Variants in RGSL1 observed in about 807,000 individuals in gnomAD.
RGSL1 encodes regulator of G protein signaling like 1.
Under a neutral mutation model 124.7 loss-of-function variants are expected in RGSL1, and 97 were observed. The observed-to-expected ratio is 0.78, with a 90% CI of 0.66 to 0.92. The LOEUF is 0.92. Ranked by LOEUF, RGSL1 falls within the 40% of genes least tolerant of loss-of-function variation. The pLI is 0.00. For synonymous variants in RGSL1, 424 were observed against 438.1 expected (o/e 0.97, Z 0.40); for missense variants, 1,233 against 1,288.4 (o/e 0.96, Z 0.66).
chr1:182,498,132 A>G (rs1656067018), intron 9 of RGSL1, among the ~76,000 whole-genome samples: 1 of 152,072 alleles, frequency 6.6e-6, no homozygotes, highest in African/African-American at 2.4e-5. Context: ...TAAATATCTC[A>G]TTCTTACACT....
intron 6 of RGSL1, among the ~76,000 whole-genome samples, chr1:182,487,644 T>C (rs1655190808): frequency 6.6e-6 from 1 of 152,346 alleles, no homozygotes. Flanking sequence ...TTAGAGCATG[T>C]GTTATGCTGC....
intron 9 of RGSL1, among the ~76,000 whole-genome samples, chr1:182,497,008 A>G (rs1655964184): frequency 6.6e-6 from 1 of 152,196 alleles, no homozygotes; most frequent in African/African-American, 2.4e-5. Flanking sequence ...TGCCCAATGT[A>G]TATGATACAT....
At chr1:182,507,770 A>G (rs1043484511) in intron 9 of RGSL1, among the ~76,000 whole-genome samples, 7 of 151,664 alleles carry the variant, frequency 4.6e-5, no homozygotes, top group African/African-American at 1.2e-4. Flanking sequence ...TGGTGCAATC[A>G]TGGCTCACTG....
chr1:182,480,762 A>AT (rs906513396), intron 6 of RGSL1, among the ~76,000 whole-genome samples: 13 of 151,586 alleles, frequency 8.6e-5, no homozygotes, highest in South Asian at 2.1e-4. Flanking sequence ...GGCCACAAGT[A>AT]TTTTTTTTTA....
At chr1:182,457,476 A>G (rs1652439304) in intron 2 of RGSL1, among the ~76,000 whole-genome samples, 1 of 152,206 alleles carries the variant, frequency 6.6e-6, no homozygotes, top group African/African-American at 2.4e-5. Context: ...TGTAACATGC[A>G]GACAGCAACA....
intron 6 of RGSL1, among the ~76,000 whole-genome samples, 168 bp downstream of exon 6, chr1:182,474,710 G>A (rs756395794): frequency 6.6e-6 from 1 of 152,134 alleles, no homozygotes; most frequent in Non-Finnish European, 1.5e-5. Context: ...CCCAGCCCCT[G>A]GGCCGCAAAT....
intron 15 of RGSL1, among the ~76,000 whole-genome samples, chr1:182,542,081 G>A (rs1018381604): frequency 2.6e-5 from 4 of 152,064 alleles, no homozygotes; most frequent in Non-Finnish European, 4.4e-5. Flanking sequence ...TTTTTAGCTT[G>A]ATGTGATCCA....
At position 182,474,048 on chromosome 1, in the gene RGSL1, C is replaced by A. The variant is rs1311501885; in HGVS notation, c.937C>A (p.His313Asn). The change falls in exon 6 of 22, where the codon CAT becomes AAT. Residue 313 changes from histidine to asparagine, a missense_variant. Physicochemically the swap from His to Asn is moderately conservative, Grantham distance 68. Coordinates refer to ENST00000294854, the MANE Select transcript of RGSL1 (RefSeq NM_001137669.2). The stretch of plus-strand genomic sequence containing the variant: ...AATCAGTTCCCTGGAAAAGGATATG[C>A]ATTATGCAAAAATATCCAGCATGGA... ...TRISSLEKDM[H>N]YAKISSMENK... 6.4e-7 allele frequency: 1 copy of A among 1,551,780 alleles called. No individual in the cohort carries two copies. Among genetic ancestry groups the A allele is most frequent in the Non-Finnish European group, 8.7e-7 (1 of 1,147,000 alleles).
At chr1:182,518,110 G>C (rs1658035632) in intron 9 of RGSL1, among the ~76,000 whole-genome samples, 1 of 152,068 alleles carries the variant, frequency 6.6e-6, no homozygotes, top group Non-Finnish European at 1.5e-5. Flanking sequence ...TACAAACATG[G>C]CTCACTGCAG....
At chr1:182,558,736 G>A (rs1178674797) in intron 21 of RGSL1, among the ~76,000 whole-genome samples, 1 of 152,060 alleles carries the variant, frequency 6.6e-6, no homozygotes, top group Non-Finnish European at 1.5e-5. Flanking sequence ...AATTTCTCCT[G>A]CCTCTTCTTC....
At chr1:182,536,577 G>T (rs1489112328) in intron 14 of RGSL1, among the ~76,000 whole-genome samples, 5 of 152,136 alleles carry the variant, frequency 3.3e-5, no homozygotes, top group African/African-American at 4.8e-5. Context: ...TCATGTGCTT[G>T]CTTGACATAT....
intron 3 of RGSL1, 81 bp from the exon 4 acceptor site, chr1:182,459,923 T>C: frequency 6.7e-7 from 1 of 1,487,402 alleles, no homozygotes; most frequent in Non-Finnish European, 9.0e-7. Flanking sequence ...GTGAGGTGAT[T>C]AGTTGCCACT....
chr1:182,508,303 T>TG (rs1169839909), intron 9 of RGSL1, among the ~76,000 whole-genome samples: 5 of 139,256 alleles, frequency 3.6e-5, no homozygotes, highest in African/African-American at 8.1e-5. Flanking sequence ...TTTTTTTTTT[T>TG]TTTTTTTTTT....
chr1:182,450,049 T>C (rs886943533), upstream of RGSL1: 52 of 1,226,750 alleles, frequency 4.2e-5, no homozygotes, highest in African/African-American at 7.3e-4. Flanking sequence ...CACTGCCAGA[T>C]AGAATCTGGA....
chr1:182,476,433 C>G (rs1654294064), intron 6 of RGSL1, among the ~76,000 whole-genome samples: 1 of 152,204 alleles, frequency 6.6e-6, no homozygotes, highest in East Asian at 1.9e-4. Flanking sequence ...ATTGGCAAAC[C>G]CTGTTGGCAT....
chr1:182,474,714 C>T (rs561620171), intron 6 of RGSL1, among the ~76,000 whole-genome samples, 172 bp downstream of exon 6: 3 of 152,126 alleles, frequency 2.0e-5, no homozygotes, highest in Admixed American at 1.3e-4. Context: ...GCCCCTGGGC[C>T]GCAAATCTGT....
chr1:182,552,777 AG>A (rs1444511352), intron 18 of RGSL1, among the ~76,000 whole-genome samples: 5 of 152,238 alleles, frequency 3.3e-5, no homozygotes, highest in African/African-American at 1.2e-4. Context: ...CCATGGTGGA[AG>A]GCAGAAGGGC....
intron 2 of RGSL1, among the ~76,000 whole-genome samples, chr1:182,457,171 G>T (rs1248707235): frequency 6.8e-6 from 1 of 147,622 alleles, no homozygotes; most frequent in Admixed American, 6.8e-5. Flanking sequence ...AAACAAAAAA[G>T]TTAAATGATA....
At chr1:182,513,115 C>T (rs1464681928) in intron 9 of RGSL1, among the ~76,000 whole-genome samples, 1 of 152,344 alleles carries the variant, frequency 6.6e-6, no homozygotes, top group Non-Finnish European at 1.5e-5. Context: ...TGCCAGGGAA[C>T]TGCCCTCGCC....
Sources: gnomAD v4.1 joint callset for allele counts (sites outside exome capture counted in the v4.1 genomes callset) on GRCh38, gnomAD v4.1.1 for gene constraint, MANE v1.5 for transcripts, NCBI Gene and HGNC (gene_info 2026-07-23, HGNC 2026-07-21) for gene names.